PLAGL1: variants seen among roughly 807,000 people sequenced by gnomAD.
PLAGL1 encodes PLAG1 like zinc finger 1.
A neutral mutation model predicts 4.6 loss-of-function variants in PLAGL1; 1 was observed. That is an observed-to-expected ratio of 0.22 (90% CI 0.08 to 1.03). The LOEUF is 1.03. Among genes scored for constraint, PLAGL1 ranks in the 50% least tolerant of loss-of-function variants. PLAGL1 has a pLI of 0.58. For synonymous variants in PLAGL1, 240 were observed against 237.8 expected (o/e 1.01, Z -0.08); for missense variants, 464 against 570.4 (o/e 0.81, Z 1.90).
At chr6:143,976,692 G>A (rs1012777237) in intron 2 of PLAGL1, among the ~76,000 whole-genome samples, 5 of 152,178 alleles carry the variant, frequency 3.3e-5, no homozygotes, top group African/African-American at 1.2e-4. Context: ...TCAGCCTAGA[G>A]CTGGTGAAGT....
intron 1 of PLAGL1, among the ~76,000 whole-genome samples, chr6:143,998,401 A>AC (rs1361104216): frequency 1.3e-5 from 2 of 152,314 alleles, no homozygotes; most frequent in East Asian, 3.9e-4. Flanking sequence ...ATTCAGACAA[A>AC]CCAGTTTTGC....
rs553302495 is a variant in PLAGL1, at chr6:144,063,937, ACT to A, written c.-151+529_-151+530del. The stretch of plus-strand genomic sequence containing the variant: ...GGGACCTCCCCGCCGCAACTCGGTC[ACT>A]TTGTTCCCATTAACTCAGTCTCTGG... On this transcript the variant is annotated intron_variant, in intron 1 of 3. Transcript: ENST00000437412. This position sits in a 1 kb window ranked among gnomAD's most constrained non-coding sequence, Gnocchi z 5.7. Among the ~76,000 whole-genome samples, 41 of 152,226 alleles carry A rather than the reference ACT, an allele frequency of 2.7e-4. No homozygotes were observed. The East Asian group carries it at 7.6e-3, about 28-fold the overall frequency.
upstream of PLAGL1, among the ~76,000 whole-genome samples, chr6:144,013,094 C>T (rs1024941503): frequency 1.3e-5 from 2 of 152,228 alleles, no homozygotes; most frequent in African/African-American, 4.8e-5. The surrounding 1 kb of genome is among the most constrained non-coding windows in gnomAD (Gnocchi z 4.4). Context: ...CAGAACCCCT[C>T]AGGACAAATT....
intron 2 of PLAGL1, among the ~76,000 whole-genome samples, chr6:143,977,470 C>CTTTTTTTTTTTTT (rs34750629): frequency 2.2e-4 from 15 of 69,316 alleles, no homozygotes; most frequent in Admixed American, 4.2e-4. Flanking sequence ...TCTTCTTCTT[C>CTTTTTTTTTTTTT]TTTTTTTTTT....
rs2128502847 is a variant in PLAGL1 at position 143,941,750 on chromosome 6, C to T, written c.1066G>A (p.Ala356Thr). ...NPGFDLAKGN[A>T]GKVNLPKELP... ...TCCTTGGGCAGGTTTACTTTACCAG[C>T]ATTTCCCTTAGCCAGATCAAAACCT... The change falls in exon 8 of 8, where the codon GCT becomes ACT. Residue 356 changes from alanine (A) to threonine (T), a missense_variant. Ala to Thr is a moderately conservative substitution (Grantham distance 58). Around this residue, in one of 4 missense-constraint regions of PLAGL1, gnomAD observed 248 missense variants for 250.1 expected, o/e 0.99. Coordinates refer to ENST00000674357, the MANE Select transcript of PLAGL1 (RefSeq NM_001317162.2). The surrounding 1 kb of genome is among the most constrained non-coding windows in gnomAD (Gnocchi z 6.0). The T allele has an allele frequency of 6.2e-7, 1 of 1,614,258 alleles. No homozygotes were observed. Among genetic ancestry groups the T allele is most frequent in the East Asian group, 2.2e-5 (1 of 44,890 alleles).
In PLAGL1 at chr6:143,945,215, C is replaced by T. The variant is rs749203442; in HGVS notation, c.153-2552G>A. ...TTGTTTCTTTCCCTCAGTTTTTCAT[C>T]TTACCTTATAACCCATGAAAACAGC... On this transcript the variant is annotated intron_variant, in intron 7 of 7. Coordinates refer to ENST00000674357, the MANE Select transcript of PLAGL1 (RefSeq NM_001317162.2). This position sits in a 1 kb window ranked among gnomAD's most constrained non-coding sequence, Gnocchi z 4.2. 3.9e-5 allele frequency among the ~76,000 whole-genome samples: 6 copies of T among 152,160 alleles called. No homozygotes were observed. The highest frequency in any genetic ancestry group is 6.5e-5 in the Admixed American group (1 of 15,278).
Position 143,952,945 on chromosome 6 carries a change from C to A in PLAGL1, c.-324-4485G>T, listed in dbSNP as rs547374595. Among the ~76,000 whole-genome samples the A allele has an allele frequency of 6.6e-6, 1 of 152,182 alleles. No individual in the cohort carries two copies. Among genetic ancestry groups the A allele is most frequent in the Non-Finnish European group, 1.5e-5 (1 of 68,038 alleles). ...ATGTCATCAGGAGAAAGATGATATCCAGAACCTCCAGGTAGTCATGGCTGC... is the reference window on the plus strand; with the variant it reads ...ATGTCATCAGGAGAAAGATGATATCAAGAACCTCCAGGTAGTCATGGCTGC... On this transcript the variant is annotated intron_variant, in intron 6 of 7. Transcript: ENST00000674357. The surrounding 1 kb of genome is among the most constrained non-coding windows in gnomAD (Gnocchi z 6.1).
upstream of PLAGL1, chr6:144,008,436 C>G (rs1200925456): frequency 6.6e-6 from 1 of 151,950 alleles, no homozygotes; most frequent in Non-Finnish European, 1.5e-5. The surrounding 1 kb of genome is among the most constrained non-coding windows in gnomAD (Gnocchi z 6.9). Flanking sequence ...GCGAGGAGGG[C>G]GCTGGGGCCC....
At chr6:144,054,248 C>T (rs1351952572) in intron 1 of PLAGL1, among the ~76,000 whole-genome samples, 1 of 152,212 alleles carries the variant, frequency 6.6e-6, no homozygotes, top group Non-Finnish European at 1.5e-5. Flanking sequence ...GTTTAGTATA[C>T]ATCTTTCCAA....
chr6:144,019,863 T>A (rs1339486561), intron 1 of PLAGL1, among the ~76,000 whole-genome samples: 3 of 151,586 alleles, frequency 2.0e-5, no homozygotes, highest in Non-Finnish European at 2.9e-5. Flanking sequence ...TTCAAGCTGG[T>A]AGGAACTGCT....
Position 143,942,829 on chromosome 6 carries a change from AAAGC to A in PLAGL1, c.153-170_153-167del, listed in dbSNP as rs1778934531. Among the ~76,000 whole-genome samples, 1 of 152,170 alleles carries A rather than the reference AAAGC, an allele frequency of 6.6e-6. No individual in the cohort carries two copies. The highest frequency in any genetic ancestry group is 1.5e-5 in the Non-Finnish European group (1 of 68,048). On this transcript the variant is annotated intron_variant, in intron 7 of 7. Transcript: ENST00000674357. The surrounding 1 kb of genome is among the most constrained non-coding windows in gnomAD (Gnocchi z 7.6). ...AATATATAAACTTTTATAATTAAGA[AAAGC>A]AAGCAATACTAAAGCCATAATACAT...
At chr6:143,988,963 T>C (rs1440327425) in intron 1 of PLAGL1, among the ~76,000 whole-genome samples, 1 of 152,192 alleles carries the variant, frequency 6.6e-6, no homozygotes, top group Non-Finnish European at 1.5e-5. Context: ...TGCAATGCCC[T>C]TACATAGACA....
chr6:143,951,526 A>T (rs1781078076), intron 6 of PLAGL1, among the ~76,000 whole-genome samples: 1 of 152,248 alleles, frequency 6.6e-6, no homozygotes, highest in African/African-American at 2.4e-5. Flanking sequence ...CAAAGAAAAA[A>T]ATAAAGCTTA....
Position 143,958,431 on chromosome 6 carries a change from A to G in PLAGL1, c.-325+2038T>C, listed in dbSNP as rs1218290987. On this transcript the variant is annotated intron_variant, in intron 6 of 7. Transcript: ENST00000674357. This position sits in a 1 kb window ranked among gnomAD's most constrained non-coding sequence, Gnocchi z 5.1. ...CTCGATGTAGAAATATCCAGAACTT[A>G]TAGTAAACTGTGTACATGCATGGTT... is the stretch of plus-strand genomic sequence containing the variant. 6.6e-6 allele frequency among the ~76,000 whole-genome samples: 1 copy of G among 152,230 alleles called. No homozygotes were observed. The highest frequency in any genetic ancestry group is 1.9e-4 in the East Asian group (1 of 5,196).
chr6:143,942,669 A>G lies in PLAGL1; in HGVS notation c.153-6T>C, dbSNP rs1329713310. 1 of 1,602,016 alleles carries G rather than the reference A, an allele frequency of 6.2e-7. No individual in the cohort carries two copies. The highest frequency in any genetic ancestry group is 1.3e-5 in the African/African-American group (1 of 74,272). On this transcript the variant is annotated splice_polypyrimidine_tract_variant and splice_region_variant and intron_variant, in intron 7 of 7. Transcript: ENST00000674357. The surrounding 1 kb of genome is among the most constrained non-coding windows in gnomAD (Gnocchi z 7.6). ...GAGAATGGGTAGCCATATGCCTAGG[A>G]GCAGAAGGAGAAATTTCACAATAGA...
At position 143,955,094 on chromosome 6, in the gene PLAGL1, A is replaced by G. The variant is rs1207444806; in HGVS notation, c.-325+5375T>C. ...TACATTGCTCTATAATGACATATGCATGAAAACAGATAAATAGAAGTGAAA... is the reference window on the plus strand; with the variant it reads ...TACATTGCTCTATAATGACATATGCGTGAAAACAGATAAATAGAAGTGAAA... On this transcript the variant is annotated intron_variant, in intron 6 of 7. Coordinates refer to ENST00000674357, the MANE Select transcript of PLAGL1 (RefSeq NM_001317162.2). The surrounding 1 kb of genome is among the most constrained non-coding windows in gnomAD (Gnocchi z 4.9). Among the ~76,000 whole-genome samples, 1 of 152,256 alleles carries G rather than the reference A, an allele frequency of 6.6e-6. No homozygotes were observed. The highest frequency in any genetic ancestry group is 2.4e-5 in the African/African-American group (1 of 41,470).
intron 1 of PLAGL1, among the ~76,000 whole-genome samples, chr6:144,051,283 A>G (rs1798565383): frequency 6.6e-6 from 1 of 152,240 alleles, no homozygotes. Flanking sequence ...TAACTGCAAC[A>G]TGTATGTGCT....
rs1794328595 is a variant in PLAGL1, at chr6:144,006,917, G to A, written c.-584+1173C>T. ...CATAAAGCGAACACCCCTATGACCT[G>A]AGAGACACTGATGTTCTATTCTCCG... On this transcript the variant is annotated intron_variant, in intron 1 of 7. Transcript: ENST00000674357. The surrounding 1 kb of genome is among the most constrained non-coding windows in gnomAD (Gnocchi z 4.3). 6.6e-6 allele frequency: 1 copy of A among 152,154 alleles called. No homozygotes were observed. Among genetic ancestry groups the A allele is most frequent in the East Asian group, 1.9e-4 (1 of 5,192 alleles). 9.4% of individuals were successfully genotyped at this position (152,154 alleles called of 1,614,324 possible).
At position 143,982,547 on chromosome 6, in the gene PLAGL1, G is replaced by T. The variant is rs1788188622; in HGVS notation, c.-544+2588C>A. 6.6e-6 allele frequency among the ~76,000 whole-genome samples: 1 copy of T among 152,158 alleles called. No homozygotes were observed. The highest frequency in any genetic ancestry group is 1.5e-5 in the Non-Finnish European group (1 of 68,022). ...AAATAATTTATCGGGCTGTTGTGTGGAGAGTGAATTCTAGGGGAGAAAGTA... is the reference window on the plus strand; with the variant it reads ...AAATAATTTATCGGGCTGTTGTGTGTAGAGTGAATTCTAGGGGAGAAAGTA... On this transcript the variant is annotated intron_variant, in intron 2 of 7. Transcript: ENST00000674357. The surrounding 1 kb of genome is among the most constrained non-coding windows in gnomAD (Gnocchi z 5.3).
Sources: gnomAD v4.1 joint callset for allele counts (sites outside exome capture counted in the v4.1 genomes callset) on GRCh38, gnomAD v4.1.1 for gene constraint, gnomAD v4.1.1 regional missense constraint, Gnocchi (gnomAD v3.1) non-coding constraint, MANE v1.5 for transcripts, NCBI Gene and HGNC (gene_info 2026-07-23, HGNC 2026-07-21) for gene names.